Variants in SMYD3 observed in about 807,000 individuals in gnomAD.
SMYD3 encodes the protein histone-lysine N-methyltransferase SMYD3.
Under a neutral mutation model 57.7 loss-of-function variants are expected in SMYD3, and 36 were observed. The ratio of observed to expected loss-of-function variants is 0.62; its 90% CI spans 0.48 to 0.82. The LOEUF (loss-of-function observed/expected upper bound fraction) is 0.82, where lower values mean the gene tolerates loss of function less well. Ranked by LOEUF, SMYD3 falls within the 40% of genes least tolerant of loss-of-function variation. The pLI is 0.00. For synonymous variants in SMYD3, 211 were observed against 195.0 expected (o/e 1.08, Z -0.68); for missense variants, 515 against 538.8 (o/e 0.96, Z 0.44).
At chr1:246,294,361 A>T (rs909741620) in intron 5 of SMYD3, among the ~76,000 whole-genome samples, 3 of 152,212 alleles carry the variant, frequency 2.0e-5, no homozygotes, top group African/African-American at 7.2e-5. Context: ...TGACCAGATT[A>T]AATCTATCTA....
At chr1:246,491,915 T>C (rs893025440) in intron 1 of SMYD3, among the ~76,000 whole-genome samples, 4 of 152,354 alleles carry the variant, frequency 2.6e-5, no homozygotes, top group Non-Finnish European at 4.4e-5. Flanking sequence ...TCTGTAATCA[T>C]GTCTGAACGC....
At chr1:246,227,649 G>T (rs1157578425) in intron 5 of SMYD3, among the ~76,000 whole-genome samples, 1 of 151,926 alleles carries the variant, frequency 6.6e-6, no homozygotes, top group Non-Finnish European at 1.5e-5. Flanking sequence ...GAAGAAGGAA[G>T]AAGGAAGAAG....
At chr1:245,985,217 C>T (rs961324864) in intron 5 of SMYD3, among the ~76,000 whole-genome samples, 7 of 152,238 alleles carry the variant, frequency 4.6e-5, no homozygotes, top group Admixed American at 2.0e-4. Context: ...CCTTGGCTCT[C>T]GTCTTCTGAT....
At chr1:246,419,060 C>T (rs559204490) in intron 1 of SMYD3, among the ~76,000 whole-genome samples, 9 of 152,202 alleles carry the variant, frequency 5.9e-5, no homozygotes, top group East Asian at 2.0e-4. Context: ...GATATTCCTC[C>T]GCCCTTGAGA....
chr1:246,261,459 T>C (rs1326684536), intron 5 of SMYD3, among the ~76,000 whole-genome samples: 1 of 151,952 alleles, frequency 6.6e-6, no homozygotes, highest in Admixed American at 6.6e-5. Flanking sequence ...CTTAAAGATA[T>C]AATCGTTTAT....
At chr1:246,301,254 C>T (rs1283840533) in intron 5 of SMYD3, among the ~76,000 whole-genome samples, 2 of 152,094 alleles carry the variant, frequency 1.3e-5, no homozygotes, top group East Asian at 3.8e-4. Context: ...AGGACACTTC[C>T]ACCATTCGAC....
chr1:246,027,763 A>G (rs1456388240), intron 5 of SMYD3, among the ~76,000 whole-genome samples: 1 of 152,226 alleles, frequency 6.6e-6, no homozygotes, highest in South Asian at 2.1e-4. Flanking sequence ...TCTTCAGCCC[A>G]TGGATCAAGG....
At chr1:245,894,101 G>T (rs1572614005) in intron 8 of SMYD3, among the ~76,000 whole-genome samples, 1 of 152,194 alleles carries the variant, frequency 6.6e-6, no homozygotes, top group Non-Finnish European at 1.5e-5. Context: ...GGGAATTGGA[G>T]AACTTTTCTG....
chr1:246,285,775 A>G (rs2064548397), intron 5 of SMYD3, among the ~76,000 whole-genome samples: 1 of 152,196 alleles, frequency 6.6e-6, no homozygotes, highest in African/African-American at 2.4e-5. Flanking sequence ...AGAATCTACA[A>G]GAAACTCAAA....
intron 5 of SMYD3, among the ~76,000 whole-genome samples, chr1:246,284,372 A>C (rs930394621): frequency 3.0e-4 from 45 of 152,174 alleles, no homozygotes; most frequent in African/African-American, 1.0e-3. Flanking sequence ...ATACCATGAA[A>C]CATGAGCAAA....
chr1:246,283,789 T>C (rs2064500016), intron 5 of SMYD3, among the ~76,000 whole-genome samples: 1 of 152,206 alleles, frequency 6.6e-6, no homozygotes, highest in African/African-American at 2.4e-5. Flanking sequence ...TTAGAATTTC[T>C]GTCTCCCACT....
chr1:246,179,414 T>A (rs762971792), intron 5 of SMYD3, among the ~76,000 whole-genome samples: 21 of 152,228 alleles, frequency 1.4e-4, no homozygotes, highest in Non-Finnish European at 2.8e-4. Context: ...GTGTCCTACA[T>A]ATAAATCTGT....
chr1:246,229,754 T>A (rs947804309), intron 5 of SMYD3, among the ~76,000 whole-genome samples: 1 of 152,208 alleles, frequency 6.6e-6, no homozygotes, highest in African/African-American at 2.4e-5. Context: ...GGAACTCTCA[T>A]AGCCTCATCA....
chr1:245,981,409 A>G (rs1291349513), intron 5 of SMYD3, among the ~76,000 whole-genome samples: 1 of 152,270 alleles, frequency 6.6e-6, no homozygotes, highest in Non-Finnish European at 1.5e-5. Context: ...TAAGAATTCA[A>G]TAGCATTGAG....
At chr1:246,078,445 CTT>C (rs2060583068) in intron 5 of SMYD3, among the ~76,000 whole-genome samples, 2 of 152,180 alleles carry the variant, frequency 1.3e-5, no homozygotes, top group Admixed American at 1.3e-4. Context: ...GAAAAAGTAA[CTT>C]TGAAATGACC....
intron 1 of SMYD3, among the ~76,000 whole-genome samples, chr1:246,405,353 G>A (rs953474797): frequency 6.6e-6 from 1 of 152,042 alleles, no homozygotes; most frequent in Admixed American, 6.6e-5. Context: ...ATTTGTGTTG[G>A]TAACACTCAA....
chr1:246,337,266 G>A (rs956866566), intron 2 of SMYD3, among the ~76,000 whole-genome samples: 2 of 152,094 alleles, frequency 1.3e-5, no homozygotes, highest in African/African-American at 4.8e-5. Context: ...AATATACTTA[G>A]CATCCTAAAA....
In SMYD3 at chr1:246,033,392, G is replaced by A. The variant is rs375194601; in HGVS notation, c.532-103455C>T. Among the ~76,000 whole-genome samples the A allele has an allele frequency of 2.5e-4, 38 of 152,334 alleles. No individual in the cohort carries two copies. The East Asian group carries it at 5.0e-3, about 20-fold the overall frequency. Reference sequence around the variant, plus strand: ...TTAGTAGCTCTACAGGTTAAAGAGCGGTTGGGATGTAAGGAAAGTGAATGT... The same window carrying A: ...TTAGTAGCTCTACAGGTTAAAGAGCAGTTGGGATGTAAGGAAAGTGAATGT... On this transcript the variant is annotated intron_variant, in intron 5 of 11. Transcript: ENST00000490107.
At chr1:246,036,260 T>C (rs1572923791) in intron 5 of SMYD3, among the ~76,000 whole-genome samples, 1 of 152,190 alleles carries the variant, frequency 6.6e-6, no homozygotes, top group South Asian at 2.1e-4. Flanking sequence ...GACTAGAATT[T>C]TGAGATGTTT....
Sources: gnomAD v4.1 joint callset for allele counts (sites outside exome capture counted in the v4.1 genomes callset) on GRCh38, gnomAD v4.1.1 for gene constraint, MANE v1.5 for transcripts, NCBI Gene and HGNC (gene_info 2026-07-23, HGNC 2026-07-21) for gene names.